Variants in NCAM2 observed in about 807,000 individuals in gnomAD.
NCAM2 encodes neural cell adhesion molecule 2.
A neutral mutation model predicts 98.1 loss-of-function variants in NCAM2; 30 were observed. That is an observed-to-expected ratio of 0.31 (90% confidence interval 0.23 to 0.41). The LOEUF is 0.41. NCAM2 is among the 10% of genes least tolerant of loss of function. The pLI is 1.00. For missense variants in NCAM2, 867 were observed against 1,005.8 expected (o/e 0.86, Z 1.87); for synonymous variants, 368 against 342.4 (o/e 1.07, Z -0.83).
intron 1 of NCAM2, among the ~76,000 whole-genome samples, chr21:21,103,547 C>T (rs998925848): frequency 6.6e-6 from 1 of 152,012 alleles, no homozygotes. Context: ...ACATTATCTC[C>T]ATGAAATTAA....
chr21:21,486,363 A>G (rs1986386088), intron 15 of NCAM2, among the ~76,000 whole-genome samples: 1 of 151,634 alleles, frequency 6.6e-6, no homozygotes, highest in African/African-American at 2.4e-5. Context: ...TGCTGAGATA[A>G]AACGATATCT....
chr21:21,272,934 T>TCAAACACACACACACACACACACA (rs2072576670), intron 1 of NCAM2, among the ~76,000 whole-genome samples: 1 of 124,788 alleles, frequency 8.0e-6, no homozygotes, highest in Non-Finnish European at 1.6e-5. Flanking sequence ...GGACATGCAT[T>TCAAACACACACACACACACACACA]CACACACACA....
At chr21:21,043,040 G>T (rs939204254) in intron 1 of NCAM2, among the ~76,000 whole-genome samples, 1 of 152,056 alleles carries the variant, frequency 6.6e-6, no homozygotes, top group Non-Finnish European at 1.5e-5. Flanking sequence ...GAAATGGAAG[G>T]CATTCTTTTC....
chr21:21,316,380 A>T (rs78099117), intron 5 of NCAM2, among the ~76,000 whole-genome samples: 3,910 of 152,130 alleles, frequency 0.026, 162 homozygotes, highest in East Asian at 0.19. Context: ...AACTTACTTT[A>T]AAAACATGCA....
chr21:21,065,086 A>G (rs145518674), intron 1 of NCAM2, among the ~76,000 whole-genome samples: 5,549 of 152,134 alleles, frequency 0.036, 135 homozygotes, highest in East Asian at 0.1. Context: ...AGCCTGAGGC[A>G]GGAGAATCGC....
intron 5 of NCAM2, among the ~76,000 whole-genome samples, chr21:21,300,996 G>A (rs9974722): frequency 2.0e-5 from 3 of 151,780 alleles, no homozygotes; most frequent in Non-Finnish European, 2.9e-5. Context: ...TTTGTGTGTC[G>A]GAAAAATAAT....
intron 13 of NCAM2, among the ~76,000 whole-genome samples, chr21:21,468,227 T>C (rs182656419): frequency 2.5e-4 from 38 of 152,122 alleles, no homozygotes; most frequent in Admixed American, 1.6e-3. Flanking sequence ...TTGCAAGTCA[T>C]TATCTTTACT....
At position 21,508,850 on chromosome 21, in the gene NCAM2, G is replaced by C; in HGVS notation, c.2078-1G>C. On this transcript the variant is annotated splice_acceptor_variant, in intron 15 of 17. Coordinates refer to ENST00000400546, the MANE Select transcript of NCAM2 (RefSeq NM_004540.5). LOFTEE classifies it high-confidence loss of function. The stretch of plus-strand genomic sequence containing the variant: ...TTTTTTTTTTTTTTTTACTTTTTAA[G>C]ACACGCTGTTTAATGGTCTTGGGCT... The C allele has an allele frequency of 1.2e-5, 4 of 326,682 alleles. No individual in the cohort carries two copies. Among genetic ancestry groups the C allele is most frequent in the Non-Finnish European group, 2.2e-5 (4 of 182,310 alleles). The allele number at this position is 326,682 out of a possible 1,614,324, so 20.2% of individuals were successfully genotyped here. A position where few individuals can be genotyped will look rare whatever the true frequency, so the allele number is the denominator to read the frequency against.
intron 1 of NCAM2, among the ~76,000 whole-genome samples, chr21:21,248,333 C>G (rs899495517): frequency 6.6e-6 from 1 of 151,936 alleles, no homozygotes. Context: ...TGTTAATATT[C>G]CCTCATCATT....
chr21:21,324,040 T>A (rs1176674842), intron 5 of NCAM2, among the ~76,000 whole-genome samples: 1 of 152,190 alleles, frequency 6.6e-6, no homozygotes, highest in African/African-American at 2.4e-5. Context: ...TGCTAAAATA[T>A]GTACTTTATT....
chr21:21,006,771 C>T (rs2064120688), intron 1 of NCAM2, among the ~76,000 whole-genome samples: 2 of 152,128 alleles, frequency 1.3e-5, no homozygotes. Flanking sequence ...GCTGGGAAGT[C>T]ATTCTGCCTG....
chr21:21,161,201 A>G (rs1400125939), intron 1 of NCAM2, among the ~76,000 whole-genome samples: 1 of 152,064 alleles, frequency 6.6e-6, no homozygotes, highest in African/African-American at 2.4e-5. Flanking sequence ...AAAAAGATCA[A>G]TAATCTTAAG....
Position 21,538,516 on chromosome 21 carries a change from G to C in NCAM2, c.*559G>C, listed in dbSNP as rs1253480372. 1 of 152,484 alleles carries C rather than the reference G, an allele frequency of 6.6e-6. No homozygotes were observed. The highest frequency in any genetic ancestry group is 1.5e-5 in the Non-Finnish European group (1 of 68,006). 9.4% of individuals were successfully genotyped at this position (152,484 alleles called of 1,614,324 possible). A position where few individuals can be genotyped will look rare whatever the true frequency, so the allele number is the denominator to read the frequency against. On this transcript the variant is annotated 3_prime_UTR_variant, in exon 18 of 18. Coordinates refer to ENST00000400546, the MANE Select transcript of NCAM2 (RefSeq NM_004540.5). ...GATATTAAAAATTGAAAACTTTGGA[G>C]AACTCATTTCAAGTTATGATTCAGT...
chr21:21,265,450 A>T lies in NCAM2; in HGVS notation c.56-15128A>T, dbSNP rs2072217872. On this transcript the variant is annotated intron_variant, in intron 1 of 17. Transcript: ENST00000400546. The stretch of plus-strand genomic sequence containing the variant: ...GTGTGTATATATATTATATATACAC[A>T]CATATATAATATATGTGTGTATATA... 1.5e-5 allele frequency among the ~76,000 whole-genome samples: 2 copies of T among 134,680 alleles called. 1 individual carries two copies. The highest frequency in any genetic ancestry group is 3.2e-5 in the Non-Finnish European group (2 of 63,316). The allele number at this position is 134,680 out of a possible 152,430, so 88.4% of individuals were successfully genotyped here. A position where few individuals can be genotyped will look rare whatever the true frequency, so the allele number is the denominator to read the frequency against.
intron 1 of NCAM2, among the ~76,000 whole-genome samples, chr21:21,246,655 T>A (rs1384289798): frequency 6.6e-6 from 1 of 152,142 alleles, no homozygotes; most frequent in Non-Finnish European, 1.5e-5. Context: ...TTATTGCAGT[T>A]TCTAGATATT....
At chr21:21,518,403 C>T (rs901624081) in intron 16 of NCAM2, among the ~76,000 whole-genome samples, 2 of 152,124 alleles carry the variant, frequency 1.3e-5, no homozygotes, top group African/African-American at 4.8e-5. Context: ...CTACTGCACA[C>T]TAAATGAGAT....
chr21:21,346,379 T>C (rs1490918307), intron 8 of NCAM2, among the ~76,000 whole-genome samples: 1 of 152,054 alleles, frequency 6.6e-6, no homozygotes, highest in Non-Finnish European at 1.5e-5. Flanking sequence ...AGAACCCAGA[T>C]ACATAATGGA....
In NCAM2 at chr21:21,205,194, T is replaced by G. The variant is rs78868743; in HGVS notation, c.56-75384T>G. 3.1e-3 allele frequency among the ~76,000 whole-genome samples: 468 copies of G among 152,328 alleles called. 2 individuals carry two copies. Among genetic ancestry groups the G allele is most frequent in the African/African-American group, 0.011 (455 of 41,590 alleles). On this transcript the variant is annotated intron_variant, in intron 1 of 17. Transcript: ENST00000400546. ...CACCTGCCGACAAAAATTAAATATA[T>G]TTTAATACACAAACTGAACATTTGT...
chr21:21,352,559 T>C (rs533891079), intron 8 of NCAM2, among the ~76,000 whole-genome samples: 132 of 152,116 alleles, frequency 8.7e-4, no homozygotes, highest in African/African-American at 3.1e-3. Flanking sequence ...ATTCTGACTT[T>C]CTTGCTTTTG....
Sources: allele counts gnomAD v4.1 joint callset (sites outside exome capture counted in the v4.1 genomes callset), GRCh38; gene constraint gnomAD v4.1.1; transcripts MANE v1.5; gene names NCBI Gene and HGNC (gene_info 2026-07-23, HGNC 2026-07-21).